Variants in ENOSF1 observed in about 807,000 individuals in gnomAD.
The protein encoded by ENOSF1 is enolase superfamily member 1, also known as mitochondrial enolase superfamily member 1.
A neutral mutation model predicts 68.2 loss-of-function variants in ENOSF1; 73 were observed. The observed-to-expected ratio is 1.07, with a 90% confidence interval of 0.89 to 1.30. ENOSF1 has a LOEUF of 1.30. Ranked by LOEUF, ENOSF1 falls within the 50% of genes most tolerant of loss-of-function variation. The pLI is 0.00. For missense variants in ENOSF1, 589 were observed against 554.5 expected (o/e 1.06, Z -0.62); for synonymous variants, 223 against 210.4 (o/e 1.06, Z -0.52).
At chr18:700,587 G>C (rs568137549) in intron 2 of ENOSF1, among the ~76,000 whole-genome samples, 1 of 152,118 alleles carries the variant, frequency 6.6e-6, no homozygotes, top group East Asian at 1.9e-4. Context: ...GCATTCAATA[G>C]AAATTTGGGT....
At chr18:700,011 T>C (rs1022227260) in intron 2 of ENOSF1, among the ~76,000 whole-genome samples, 5 of 151,992 alleles carry the variant, frequency 3.3e-5, no homozygotes, top group Non-Finnish European at 5.9e-5. Context: ...ACCCAGGAGG[T>C]GGAGGTTGCA....
intron 12 of ENOSF1, chr18:678,465 CTT>C (rs2075738702): frequency 1.5e-5 from 8 of 519,504 alleles, no homozygotes; most frequent in Non-Finnish European, 2.7e-5. Flanking sequence ...CAATTAGACA[CTT>C]TGAAAAAGAT....
Position 677,345 on chromosome 18 carries a change from C to CTATT in ENOSF1, c.1144_1147dup (p.Arg383LysfsTer2), listed in dbSNP as rs1446242901. The CTATT allele has an allele frequency of 1.2e-6, 2 of 1,612,898 alleles. No homozygotes were observed. Among genetic ancestry groups the CTATT allele is most frequent in the Non-Finnish European group, 1.7e-6 (2 of 1,179,206 alleles). On this transcript the variant is annotated stop_gained and frameshift_variant and splice_region_variant, in exon 14 of 16. Transcript: ENST00000647584. LOFTEE classifies it high-confidence loss of function. The stretch of plus-strand genomic sequence containing the variant: ...AAAGTATTAATGCCACATTACTGAC[C>CTATT]TATTTTCAAGGCTTGCAGAAACTGA...
At chr18:688,908 A>G (rs1220475079) in intron 8 of ENOSF1, among the ~76,000 whole-genome samples, 1 of 152,178 alleles carries the variant, frequency 6.6e-6, no homozygotes, top group South Asian at 2.1e-4. Flanking sequence ...TGTGGCATCC[A>G]TAGAATGAGT....
downstream of ENOSF1, chr18:669,094 C>T: frequency 6.2e-7 from 1 of 1,614,128 alleles, no homozygotes. Context: ...AGGGAGTTGA[C>T]CAACTGCAAA....
In ENOSF1 at chr18:671,279, T is replaced by A. The variant is rs1013621402; in HGVS notation, c.*3026A>T. On this transcript the variant is annotated 3_prime_UTR_variant, in exon 16 of 16. Coordinates refer to ENST00000647584, the MANE Select transcript of ENOSF1 (RefSeq NM_017512.7). Reference sequence around the variant, plus strand: ...GAAAAGCTACACTAAATTATTTTTTTAAAAAAAGCCTTGCGGTGTCTGCAT... The same window carrying A: ...GAAAAGCTACACTAAATTATTTTTTAAAAAAAAGCCTTGCGGTGTCTGCAT... 13 of 835,736 alleles carry A rather than the reference T, an allele frequency of 1.6e-5. No individual in the cohort carries two copies. The highest frequency in any genetic ancestry group is 5.7e-5 in the South Asian group (4 of 69,750). The allele number at this position is 835,736 out of a possible 1,614,324, so 51.8% of individuals were successfully genotyped here.
the ENOSF1 span, among the ~76,000 whole-genome samples, chr18:664,426 A>G: frequency 9.6e-5 from 14 of 145,716 alleles, no homozygotes; most frequent in African/African-American, 2.9e-4. Flanking sequence ...GGCTGAGACA[A>G]TGGGGTTTTC....
At chr18:705,608 T>C (rs1017480006) in intron 2 of ENOSF1, among the ~76,000 whole-genome samples, 56 of 152,196 alleles carry the variant, frequency 3.7e-4, no homozygotes, top group African/African-American at 1.3e-3. Context: ...TGGCTCAGTA[T>C]GCATCTTAAA....
rs778396622 is a variant in ENOSF1 at position 685,954 on chromosome 18, G to C, written c.708C>G (p.Ile236Met). ...TTTCCGGTCCAATCATGTCTCGGAT[G>C]ATTTGGCATCTTCGCATGTCATCCT... ...DLQDDMRRCQ[I>M]IRDMIGPEKT... The change falls in exon 10 of 16, where the codon ATC (isoleucine) becomes ATG (methionine). Residue 236 changes from isoleucine (I) to methionine (M), a missense_variant. Coordinates refer to ENST00000647584, the MANE Select transcript of ENOSF1 (RefSeq NM_017512.7). 1 of 1,614,098 alleles carries C rather than the reference G, an allele frequency of 6.2e-7. No homozygotes were observed.
At chr18:666,138 G>A (rs965327583), downstream of ENOSF1, among the ~76,000 whole-genome samples, 3 of 101,008 alleles carry the variant, frequency 3.0e-5, no homozygotes, top group East Asian at 3.7e-4. Context: ...CATTATTAAT[G>A]TGTGGGAGTC....
chr18:666,895 GGT>G (rs1567989250), downstream of ENOSF1, among the ~76,000 whole-genome samples: 66 of 49,048 alleles, frequency 1.3e-3, 7 homozygotes, highest in African/African-American at 5.0e-3. Context: ...TTCGGGAGAT[GGT>G]GATGGAGATG....
At chr18:692,191 CG>C (rs755511670) in intron 5 of ENOSF1, 6 of 152,282 alleles carry the variant, frequency 3.9e-5, no homozygotes, top group South Asian at 2.1e-4. Context: ...CCCACCCTGA[CG>C]GAACAGTCAG....
intron 11 of ENOSF1, among the ~76,000 whole-genome samples, chr18:682,253 T>TA (rs2076148767): frequency 1.3e-5 from 2 of 152,226 alleles, no homozygotes; most frequent in Non-Finnish European, 1.5e-5. Flanking sequence ...TGGTAGAGAC[T>TA]ACTACACGCC....
In ENOSF1 at chr18:670,988, AG is replaced by A. The variant is rs2075016867; in HGVS notation, c.*3316del. On this transcript the variant is annotated 3_prime_UTR_variant, in exon 16 of 16. Coordinates refer to ENST00000647584, the MANE Select transcript of ENOSF1 (RefSeq NM_017512.7). ...TTAGCTTTTAAATTTGATATGTGTA[AG>A]TAAGAAATGAACCAGCTTTTACTTT... is the stretch of plus-strand genomic sequence containing the variant. 4 of 1,253,248 alleles carry A rather than the reference AG, an allele frequency of 3.2e-6. No homozygotes were observed. Among genetic ancestry groups the A allele is most frequent in the Non-Finnish European group, 4.4e-6 (4 of 914,722 alleles). 77.6% of individuals were successfully genotyped at this position (1,253,248 alleles called of 1,614,324 possible). A position where few individuals can be genotyped will look rare whatever the true frequency, so the allele number is the denominator to read the frequency against.
chr18:683,125 C>T, intron 11 of ENOSF1, 121 bp downstream of exon 11: 2 of 1,190,914 alleles, frequency 1.7e-6, no homozygotes, highest in Non-Finnish European at 2.4e-6. Context: ...ACAATTATTT[C>T]AGCTACTTCA....
intron 8 of ENOSF1, 103 bp downstream of exon 8, chr18:690,446 G>A: frequency 3.2e-6 from 4 of 1,246,500 alleles, no homozygotes; most frequent in South Asian, 2.5e-5. Context: ...CACACATCTG[G>A]TGTCAGAAGT....
In ENOSF1 at chr18:691,050, A is replaced by T. The variant is rs774638331; in HGVS notation, c.535+18T>A. 12 of 1,613,876 alleles carry T rather than the reference A, an allele frequency of 7.4e-6. No individual in the cohort carries two copies. The African/African-American group carries it at 1.5e-4, about 20-fold the overall frequency. On this transcript the variant is annotated intron_variant, in intron 7 of 15. Coordinates refer to ENST00000647584, the MANE Select transcript of ENOSF1 (RefSeq NM_017512.7). Reference sequence around the variant, plus strand: ...CAATGTTAGCAAAAACAATGAAGAAAATTTTCTTACAACCCACCTCTTTCT... The same window carrying T: ...CAATGTTAGCAAAAACAATGAAGAATATTTTCTTACAACCCACCTCTTTCT...
At chr18:700,902 A>C (rs1219855139) in intron 2 of ENOSF1, among the ~76,000 whole-genome samples, 4 of 151,204 alleles carry the variant, frequency 2.6e-5, no homozygotes, top group Non-Finnish European at 4.4e-5. Context: ...AAAAAAAAAA[A>C]AAAAAAAAAA....
rs559009977 is a variant in ENOSF1 at position 684,238 on chromosome 18, G to A, written c.742-858C>T. Among the ~76,000 whole-genome samples the A allele has an allele frequency of 4.0e-4, 61 of 151,956 alleles. 1 individual carries two copies. Among genetic ancestry groups the A allele is most frequent in the Middle Eastern group, 3.4e-3 (1 of 294 alleles). On this transcript the variant is annotated intron_variant, in intron 10 of 15. Transcript: ENST00000647584. ...TCTCAATCTCCTGACCTTGTGATCC[G>A]CCCGCCTCGGCCTCCCAAAGTGCTG... is the stretch of plus-strand genomic sequence containing the variant.
Sources: gnomAD v4.1 joint callset for allele counts (sites outside exome capture counted in the v4.1 genomes callset) on GRCh38, gnomAD v4.1.1 for gene constraint, MANE v1.5 for transcripts, NCBI Gene and HGNC (gene_info 2026-07-23, HGNC 2026-07-21) for gene names.